EPB41L4A: variants seen among roughly 807,000 people sequenced by gnomAD.
The protein encoded by EPB41L4A is band 4.1-like protein 4A.
EPB41L4A carries 100 observed loss-of-function variants against 108.6 expected under a neutral mutation model. The ratio of observed to expected loss-of-function variants is 0.92; its 90% CI spans 0.78 to 1.09. The LOEUF (loss-of-function observed/expected upper bound fraction) is 1.09, where lower values mean the gene tolerates loss of function less well. EPB41L4A is among the 50% of genes least tolerant of loss of function. The pLI is 0.00. For synonymous variants in EPB41L4A, 319 were observed against 289.0 expected, an observed-to-expected ratio of 1.10 and a Z score of -1.05; for missense variants, 1,030 against 842.7, an observed-to-expected ratio of 1.22 and a Z score of -2.75.
intron 1 of EPB41L4A, among the ~76,000 whole-genome samples, chr5:112,381,642 C>T (rs1224378038): frequency 1.3e-5 from 2 of 152,270 alleles, no homozygotes; most frequent in East Asian, 3.8e-4. Flanking sequence ...CAAATCCAAA[C>T]AAGGCTGAGT....
chr5:112,172,586 G>T (rs1241398160), intron 18 of EPB41L4A, among the ~76,000 whole-genome samples: 1 of 151,680 alleles, frequency 6.6e-6, no homozygotes, highest in African/African-American at 2.4e-5. Context: ...TATGTATTCT[G>T]CCTTTCCTAC....
At chr5:112,402,915 G>A (rs936687332) in intron 1 of EPB41L4A, among the ~76,000 whole-genome samples, 11 of 152,066 alleles carry the variant, frequency 7.2e-5, no homozygotes, top group African/African-American at 1.7e-4. Flanking sequence ...CCTAGAAAGC[G>A]GTTAGTCGTA....
chr5:112,419,885 G>C (rs1335058332), upstream of EPB41L4A: 1 of 456,660 alleles, frequency 2.2e-6, no homozygotes, highest in African/African-American at 2.0e-5. Context: ...TGCCGCGGCG[G>C]CGGAATACGG....
intron 9 of EPB41L4A, among the ~76,000 whole-genome samples, chr5:112,246,899 T>C (rs1376207422): frequency 6.6e-6 from 1 of 152,298 alleles, no homozygotes; most frequent in Middle Eastern, 3.4e-3. Context: ...CCTTTAGATG[T>C]AGAGCTCTCA....
chr5:112,169,433 G>A (rs1760447598), intron 20 of EPB41L4A, among the ~76,000 whole-genome samples: 1 of 152,040 alleles, frequency 6.6e-6, no homozygotes, highest in South Asian at 2.1e-4. Context: ...AATCTATAAT[G>A]CAGACAAAAT....
chr5:112,365,086 A>G (rs1759040353), intron 1 of EPB41L4A, among the ~76,000 whole-genome samples: 1 of 152,250 alleles, frequency 6.6e-6, no homozygotes, highest in Admixed American at 6.5e-5. Context: ...TCTGGCATAA[A>G]GCAGATACTA....
At chr5:112,233,794 G>T (rs1240758334) in intron 12 of EPB41L4A, among the ~76,000 whole-genome samples, 1 of 151,948 alleles carries the variant, frequency 6.6e-6, no homozygotes, top group Non-Finnish European at 1.5e-5. Context: ...ATCAAATTAA[G>T]AAATTACTCA....
chr5:112,373,638 G>C (rs1759630617), intron 1 of EPB41L4A, among the ~76,000 whole-genome samples: 1 of 152,200 alleles, frequency 6.6e-6, no homozygotes, highest in Admixed American at 6.5e-5. Context: ...ATACAAAGAA[G>C]TTACTAAACT....
intron 12 of EPB41L4A, among the ~76,000 whole-genome samples, chr5:112,210,857 T>C (rs532198100): frequency 1.3e-5 from 2 of 152,210 alleles, no homozygotes; most frequent in East Asian, 3.9e-4. Flanking sequence ...ATTAGGTCTA[T>C]GTGCCATACA....
At chr5:112,204,125 C>T (rs1762351257) in intron 15 of EPB41L4A, among the ~76,000 whole-genome samples, 1 of 151,062 alleles carries the variant, frequency 6.6e-6, no homozygotes. Context: ...TATTTTTAGA[C>T]ACATTATTCA....
intron 1 of EPB41L4A, among the ~76,000 whole-genome samples, chr5:112,379,806 A>C (rs1281321834): frequency 6.6e-6 from 1 of 152,236 alleles, no homozygotes; most frequent in Non-Finnish European, 1.5e-5. Context: ...ACAACTGCTT[A>C]ATGGAACATG....
chr5:112,235,597 A>G (rs1478356155), intron 11 of EPB41L4A, among the ~76,000 whole-genome samples: 1 of 152,198 alleles, frequency 6.6e-6, no homozygotes, highest in East Asian at 1.9e-4. Context: ...AATCCTATTC[A>G]TCTTACATTT....
intron 3 of EPB41L4A, among the ~76,000 whole-genome samples, chr5:112,275,765 A>C (rs1464765): frequency 1.3e-5 from 2 of 149,708 alleles, no homozygotes; most frequent in Non-Finnish European, 1.5e-5. Flanking sequence ...TCATTTCATT[A>C]AAAAAAAATA....
rs571347327 is a variant in EPB41L4A, at chr5:112,403,281, C to T, written c.99+15660G>A. 4.8e-5 allele frequency among the ~76,000 whole-genome samples: 7 copies of T among 147,302 alleles called. No individual in the cohort carries two copies. In the East Asian group the frequency reaches 6.0e-4, roughly 13 times the overall value. On this transcript the variant is annotated intron_variant, in intron 1 of 22. Coordinates refer to ENST00000261486, the MANE Select transcript of EPB41L4A (RefSeq NM_022140.5). ...GTCTAGGATCAAGCTCTTCTTGGTT[C>T]GTTGAACAAAGATTTTTAGGAAATA...
intron 16 of EPB41L4A, 108 bp from the exon 17 acceptor site, chr5:112,194,753 A>G: frequency 1.6e-6 from 1 of 635,088 alleles, no homozygotes; most frequent in Non-Finnish European, 2.6e-6. Context: ...CAGTAAAATT[A>G]TCAATCCAAA....
intron 6 of EPB41L4A, chr5:112,263,276 G>A (rs888522562): frequency 2.6e-5 from 4 of 152,160 alleles, no homozygotes; most frequent in African/African-American, 9.7e-5. Flanking sequence ...GAGGGATTGA[G>A]ATTTTAATAG....
At chr5:112,184,642 T>C (rs1176813410) in intron 17 of EPB41L4A, among the ~76,000 whole-genome samples, 1 of 152,210 alleles carries the variant, frequency 6.6e-6, no homozygotes. Context: ...AAAAGTTAAA[T>C]ATGGTGGCAT....
chr5:112,219,407 C>G (rs746641174), intron 12 of EPB41L4A, among the ~76,000 whole-genome samples: 10 of 152,138 alleles, frequency 6.6e-5, no homozygotes, highest in South Asian at 2.1e-4. Flanking sequence ...CTGAGGCCTC[C>G]CCAGCCAAGT....
intron 1 of EPB41L4A, among the ~76,000 whole-genome samples, chr5:112,409,391 C>G (rs971031640): frequency 6.6e-6 from 1 of 152,032 alleles, no homozygotes; most frequent in African/African-American, 2.4e-5. Flanking sequence ...GGACGAAAAT[C>G]TTATAAAATT....
Sources: allele counts gnomAD v4.1 joint callset (sites outside exome capture counted in the v4.1 genomes callset), GRCh38; gene constraint gnomAD v4.1.1; transcripts MANE v1.5; gene names NCBI Gene and HGNC (gene_info 2026-07-23, HGNC 2026-07-21).